SLC22A16: variants seen among roughly 807,000 people sequenced by gnomAD.
SLC22A16 encodes WUGSC:RG331P03.1.
A neutral mutation model predicts 52.9 loss-of-function variants in SLC22A16; 53 were observed. The ratio of observed to expected loss-of-function variants is 1.00; its 90% confidence interval spans 0.80 to 1.26. The LOEUF (loss-of-function observed/expected upper bound fraction) is 1.26. Among genes scored for constraint, SLC22A16 ranks in the 50% most tolerant of loss-of-function variants. The probability of loss-of-function intolerance (pLI) is 0.00; values close to 1 mark genes in which losing one functional copy is unlikely to be tolerated. For synonymous variants in SLC22A16, 291 were observed against 268.8 expected (o/e 1.08, Z -0.81); for missense variants, 726 against 704.0 (o/e 1.03, Z -0.35).
intron 1 of SLC22A16, chr6:110,475,979 A>T: frequency 2.2e-6 from 1 of 456,350 alleles, no homozygotes; most frequent in Non-Finnish European, 4.4e-6. Context: ...ATGAAGAACT[A>T]TGTGTAAGCG....
At chr6:110,469,538 A>G (rs1235876030) in intron 1 of SLC22A16, among the ~76,000 whole-genome samples, 1 of 152,216 alleles carries the variant, frequency 6.6e-6, no homozygotes, top group Non-Finnish European at 1.5e-5. Context: ...ACAGAGAGAG[A>G]CCCTGTCTCA....
chr6:110,466,299 C>G (rs1042093357), intron 1 of SLC22A16, among the ~76,000 whole-genome samples: 1 of 151,928 alleles, frequency 6.6e-6, no homozygotes, highest in East Asian at 1.9e-4. Flanking sequence ...GGAATTAATT[C>G]AACTAAAAAG....
At chr6:110,454,274 A>C (rs1209665403) in intron 2 of SLC22A16, among the ~76,000 whole-genome samples, 1 of 152,118 alleles carries the variant, frequency 6.6e-6, no homozygotes, top group Non-Finnish European at 1.5e-5. Flanking sequence ...ATCCAGCAAG[A>C]AGTATAGAAG....
At chr6:110,452,027 C>A (rs56184675) in intron 2 of SLC22A16, among the ~76,000 whole-genome samples, 1 of 152,102 alleles carries the variant, frequency 6.6e-6, no homozygotes, top group East Asian at 1.9e-4. Context: ...GATCCTTTTC[C>A]TGCTAATATA....
Position 110,438,806 on chromosome 6 carries a change from T to A in SLC22A16, c.1225A>T (p.Met409Leu), listed in dbSNP as rs766718482. The A allele has an allele frequency of 6.2e-7, 1 of 1,614,048 alleles. No individual in the cohort carries two copies. Among genetic ancestry groups the A allele is most frequent in the African/African-American group, 1.3e-5 (1 of 74,932 alleles). Residue 409 changes from methionine (M) to leucine (L), a missense_variant, in exon 5 of 8, where the codon ATG becomes TTG. Met to Leu is a conservative substitution (Grantham distance 15, BLOSUM62 2). Coordinates refer to ENST00000368919, the MANE Select transcript of SLC22A16 (RefSeq NM_033125.4). ...IPAYTFVCIAMDKVGRRTVLA... is the reference protein window; with the variant it reads ...IPAYTFVCIALDKVGRRTVLA... ...ACTGTTCTCCTCCCGACCTTGTCCA[T>A]GGCGATGCACACGAAGGTGTAGGCG...
At chr6:110,471,753 A>C (rs1046710478) in intron 1 of SLC22A16, among the ~76,000 whole-genome samples, 1 of 152,230 alleles carries the variant, frequency 6.6e-6, no homozygotes, top group African/African-American at 2.4e-5. Context: ...TGGGGGTAAC[A>C]CAGGTGTGTT....
In SLC22A16 at chr6:110,445,348, C is replaced by T. The variant is rs1775129126; in HGVS notation, c.651+1525G>A. Among the ~76,000 whole-genome samples the T allele has an allele frequency of 2.0e-5, 3 of 152,170 alleles. No homozygotes were observed. In the South Asian group the frequency reaches 6.2e-4, roughly 32 times the overall value. ...GTGAGAAAACCCTTGACCCTCCAGACCCTGGTGAACGCTCCAGACCCACTG... is the reference window on the plus strand; with the variant it reads ...GTGAGAAAACCCTTGACCCTCCAGATCCTGGTGAACGCTCCAGACCCACTG... On this transcript the variant is annotated intron_variant, in intron 3 of 7. Transcript: ENST00000368919.
intron 1 of SLC22A16, among the ~76,000 whole-genome samples, chr6:110,468,795 A>G (rs1380092536): frequency 1.3e-5 from 2 of 152,204 alleles, no homozygotes; most frequent in Admixed American, 1.3e-4. Context: ...AAGACCCCAC[A>G]GGCTAACATC....
chr6:110,476,571 C>A lies in SLC22A16; in HGVS notation c.4G>T (p.Gly2Trp). The change falls in exon 1 of 8, where the codon GGG becomes TGG. Residue 2 changes from glycine to tryptophan, a missense_variant. Gly to Trp is a radical substitution (Grantham distance 184, BLOSUM62 -2). Transcript: ENST00000368919. Reference protein sequence around the residue: MGSRHFEGIYDH... With the variant: MWSRHFEGIYDH... ...TAAATCCCCTCGAAGTGGCGGGACC[C>A]CATGGTGCGGCCGTGCACTGGGCGC... 6.5e-7 allele frequency: 1 copy of A among 1,540,856 alleles called. No individual in the cohort carries two copies. The highest frequency in any genetic ancestry group is 8.7e-7 in the Non-Finnish European group (1 of 1,144,726).
rs73764913 is a variant in SLC22A16, at chr6:110,435,392, G to A, written c.1421+460C>T. Among the ~76,000 whole-genome samples, 1,137 of 152,242 alleles carry A rather than the reference G, an allele frequency of 7.5e-3. 8 individuals are homozygous for A. The highest frequency in any genetic ancestry group is 0.024 in the African/African-American group (997 of 41,534). On this transcript the variant is annotated intron_variant, in intron 6 of 7. Transcript: ENST00000368919. ...GGGCACCACCTGAAGACCACAGAGC[G>A]AGGCCTCAGGAGAATCCAAACCTGC...
intron 1 of SLC22A16, among the ~76,000 whole-genome samples, chr6:110,458,996 T>G (rs1353191859): frequency 6.6e-6 from 1 of 152,110 alleles, no homozygotes; most frequent in African/African-American, 2.4e-5. Flanking sequence ...TATATGTGTG[T>G]GTGTGTATGT....
chr6:110,436,588 T>A (rs1774740765), intron 5 of SLC22A16, among the ~76,000 whole-genome samples: 1 of 152,212 alleles, frequency 6.6e-6, no homozygotes, highest in Non-Finnish European at 1.5e-5. Context: ...ATCACACCAC[T>A]GCACTTCAGC....
intron 1 of SLC22A16, among the ~76,000 whole-genome samples, chr6:110,463,256 A>T (rs1775948398): frequency 1.3e-5 from 2 of 152,090 alleles, no homozygotes; most frequent in Admixed American, 1.3e-4. Context: ...CTCTGACAGG[A>T]ACAAAACCTC....
At chr6:110,459,001 G>T (rs1226427158) in intron 1 of SLC22A16, among the ~76,000 whole-genome samples, 1 of 151,924 alleles carries the variant, frequency 6.6e-6, no homozygotes, top group African/African-American at 2.4e-5. Flanking sequence ...GTGTGTGTGT[G>T]TATGTGTGTG....
rs780270587 is a variant in SLC22A16, at chr6:110,455,048, T to C, written c.533+1490A>G. On this transcript the variant is annotated intron_variant, in intron 2 of 7. Coordinates refer to ENST00000368919, the MANE Select transcript of SLC22A16 (RefSeq NM_033125.4). ...TAATTTCACTAATATATTTTTTATT[T>C]ATATATTATATATATATATACACAC... is the stretch of plus-strand genomic sequence containing the variant. 4.6e-4 allele frequency among the ~76,000 whole-genome samples: 60 copies of C among 131,098 alleles called. 1 individual carries two copies. The highest frequency in any genetic ancestry group is 4.1e-3 in the Admixed American group (43 of 10,422). The allele number at this position is 131,098 out of a possible 152,430, so 86.0% of individuals were successfully genotyped here. A position where few individuals can be genotyped will look rare whatever the true frequency, so the allele number is the denominator to read the frequency against.
Position 110,435,880 on chromosome 6 carries a change from T to C in SLC22A16, c.1393A>G (p.Thr465Ala), listed in dbSNP as rs753005079. 9 of 1,613,526 alleles carry C rather than the reference T, an allele frequency of 5.6e-6. No individual in the cohort carries two copies. In the African/African-American group the frequency reaches 9.3e-5, roughly 17 times the overall value. ...GAAFGLIYLY[T>A]AELYPTIVRS... ...ACAATGGTTGGATACAGCTCAGCTG[T>C]ATAAAGATAAATGAGGCCAAATGCT... The change falls in exon 6 of 8, where the codon ACA becomes GCA. Residue 465 changes from threonine to alanine, a missense_variant. Transcript: ENST00000368919.
intron 5 of SLC22A16, among the ~76,000 whole-genome samples, chr6:110,436,338 T>C (rs1562279898): frequency 6.6e-6 from 1 of 152,138 alleles, no homozygotes; most frequent in East Asian, 1.9e-4. Context: ...TACAAACAAA[T>C]TGTGAGCCGG....
chr6:110,468,941 C>G (rs761221318), intron 1 of SLC22A16, among the ~76,000 whole-genome samples: 6 of 152,136 alleles, frequency 3.9e-5, no homozygotes, highest in Non-Finnish European at 5.9e-5. Flanking sequence ...GGGGTGAGCA[C>G]CTAGCATGGC....
chr6:110,446,991 C>G lies in SLC22A16; in HGVS notation c.534-1G>C, dbSNP rs1446348324. The G allele has an allele frequency of 7.4e-6, 12 of 1,611,054 alleles. No individual in the cohort carries two copies. In the East Asian group the frequency reaches 2.5e-4, roughly 33 times the overall value. ...CCACAAGACCACCCGGCGTCCTAGC[C>G]TGAAAAATAAGAGTCACACAGTGGA... On this transcript the variant is annotated splice_acceptor_variant, in intron 2 of 7. Transcript: ENST00000368919. LOFTEE classifies it high-confidence loss of function.
Sources: gnomAD v4.1 joint callset for allele counts (sites outside exome capture counted in the v4.1 genomes callset) on GRCh38, gnomAD v4.1.1 for gene constraint, MANE v1.5 for transcripts, NCBI Gene and HGNC (gene_info 2026-07-23, HGNC 2026-07-21) for gene names.